CCDC88C: variants seen among roughly 807,000 people sequenced by gnomAD.
CCDC88C encodes coiled-coil and HOOK domain protein 88C, also known as protein Daple.
CCDC88C carries 131 observed loss-of-function variants against 198.8 expected under a neutral mutation model. The observed-to-expected ratio is 0.66, with a 90% CI of 0.57 to 0.76. CCDC88C has a LOEUF of 0.76. Ranked by LOEUF, CCDC88C falls within the 30% of genes least tolerant of loss-of-function variation. The pLI is 0.00. For synonymous variants in CCDC88C, 1,166 were observed against 1,114.7 expected, an observed-to-expected ratio of 1.05 and a Z score of -0.92; for missense variants, 2,553 against 2,631.6, an observed-to-expected ratio of 0.97 and a Z score of 0.65.
At chr14:91,330,810 A>G (rs1892793273) in intron 10 of CCDC88C, among the ~76,000 whole-genome samples, 1 of 152,156 alleles carries the variant, frequency 6.6e-6, no homozygotes, top group Non-Finnish European at 1.5e-5. Context: ...AGCGCAAGAC[A>G]GAGCCTCAGC....
At chr14:91,373,891 T>C (rs1894952311) in intron 3 of CCDC88C, among the ~76,000 whole-genome samples, 1 of 152,204 alleles carries the variant, frequency 6.6e-6, no homozygotes, top group Admixed American at 6.5e-5. Flanking sequence ...CCAGCCACAC[T>C]TGCCTCCAAT....
chr14:91,333,012 G>A (rs1054163285), intron 10 of CCDC88C, among the ~76,000 whole-genome samples: 1 of 152,212 alleles, frequency 6.6e-6, no homozygotes. Context: ...GGTCGGGGGT[G>A]CGGAAAGAAG....
Position 91,371,156 on chromosome 14 carries a change from G to A in CCDC88C, c.271-11445C>T, listed in dbSNP as rs567122257. On this transcript the variant is annotated intron_variant, in intron 3 of 29. Transcript: ENST00000389857. The surrounding 1 kb of genome is among the most constrained non-coding windows in gnomAD (Gnocchi z 4.2). ...CCCTCCTGGCTAAAACGACAGCATC[G>A]GTGCTCCAGTGCTTGGAGTTGATAT... Among the ~76,000 whole-genome samples the A allele has an allele frequency of 3.3e-5, 5 of 152,230 alleles. No individual in the cohort carries two copies. Among genetic ancestry groups the A allele is most frequent in the South Asian group, 2.1e-4 (1 of 4,810 alleles).
intron 14 of CCDC88C, 50 bp downstream of exon 14, chr14:91,315,600 G>A (rs1347876795): frequency 2.3e-5 from 37 of 1,606,270 alleles, no homozygotes; most frequent in Non-Finnish European, 2.7e-5. Context: ...CCGGCTCTCC[G>A]TCTTGCAGGC....
At position 91,300,050 on chromosome 14, in the gene CCDC88C, C is replaced by A. The variant is rs528083091; in HGVS notation, c.3656G>T (p.Arg1219Leu). 6.2e-7 allele frequency: 1 copy of A among 1,607,926 alleles called. No homozygotes were observed. The highest frequency in any genetic ancestry group is 1.1e-5 in the South Asian group (1 of 89,742). The change falls in exon 21 of 30, where the codon CGC (arginine) becomes CTC (leucine). Residue 1219 changes from arginine (R) to leucine (L), a missense_variant. Physicochemically the swap from Arg to Leu is moderately radical, Grantham distance 102. Around this residue, in one of 2 missense-constraint regions of CCDC88C, gnomAD observed 1,293 missense variants for 1,219.6 expected, o/e 1.06. Coordinates refer to ENST00000389857, the MANE Select transcript of CCDC88C (RefSeq NM_001080414.4). ...LGERHGDMLK[R>L]KAELEEREKV... ...CTCCCGCTCCTCCAGCTCCGCCTTG[C>A]GCTTCAGCATGTCACCGTGCCTGTT...
At chr14:91,275,061 TGG>T (rs1322395758) in intron 29 of CCDC88C, among the ~76,000 whole-genome samples, 1 of 152,104 alleles carries the variant, frequency 6.6e-6, no homozygotes, top group Non-Finnish European at 1.5e-5. Flanking sequence ...GTCATTTCCC[TGG>T]GATGGGAAGC....
intron 3 of CCDC88C, among the ~76,000 whole-genome samples, chr14:91,372,796 A>G (rs1468746498): frequency 2.0e-5 from 3 of 152,098 alleles, no homozygotes; most frequent in Non-Finnish European, 4.4e-5. Flanking sequence ...CTCGGCATCA[A>G]GCCCTGCCAG....
intron 2 of CCDC88C, among the ~76,000 whole-genome samples, chr14:91,415,736 C>G (rs1887012972): frequency 6.6e-6 from 1 of 150,680 alleles, no homozygotes; most frequent in South Asian, 2.1e-4. Context: ...AAAAAAAAAG[C>G]AAGGTTCTTG....
intron 10 of CCDC88C, among the ~76,000 whole-genome samples, chr14:91,333,043 A>G (rs2139846602): frequency 6.6e-6 from 1 of 152,208 alleles, no homozygotes; most frequent in East Asian, 1.9e-4. Flanking sequence ...ATCTGCAACC[A>G]TATTCCTCCA....
chr14:91,274,800 T>TG (rs1889884604), intron 29 of CCDC88C, among the ~76,000 whole-genome samples: 1 of 152,190 alleles, frequency 6.6e-6, no homozygotes, highest in South Asian at 2.1e-4. Flanking sequence ...GCAAGGTTGT[T>TG]GAAAGGCTGT....
At chr14:91,291,502 T>C (rs1245242495) in intron 23 of CCDC88C, among the ~76,000 whole-genome samples, 13 of 151,780 alleles carry the variant, frequency 8.6e-5, no homozygotes, top group Non-Finnish European at 1.6e-4. Context: ...GGCAGTGAGG[T>C]TGAAAAAGTC....
At chr14:91,361,371 A>G (rs1894298148) in intron 3 of CCDC88C, among the ~76,000 whole-genome samples, 1 of 152,148 alleles carries the variant, frequency 6.6e-6, no homozygotes, top group African/African-American at 2.4e-5. Context: ...TAATTACACA[A>G]CCCACATGGC....
Position 91,307,186 on chromosome 14 carries a change from T to TC in CCDC88C, c.3046dup (p.Glu1016GlyfsTer31). 1 of 1,613,776 alleles carries TC rather than the reference T, an allele frequency of 6.2e-7. No individual in the cohort carries two copies. The highest frequency in any genetic ancestry group is 8.5e-7 in the Non-Finnish European group (1 of 1,179,860). On this transcript the variant is annotated frameshift_variant, in exon 18 of 30. Coordinates refer to ENST00000389857, the MANE Select transcript of CCDC88C (RefSeq NM_001080414.4). LOFTEE classifies it high-confidence loss of function. ...GAAAGAGTTCTGCAAGTGCTGCCCCTCTCCCTGGTTCTGCCTGAGGGTCTC... is the reference window on the plus strand; with the variant it reads ...GAAAGAGTTCTGCAAGTGCTGCCCCTCCTCCCTGGTTCTGCCTGAGGGTCTC...
intron 23 of CCDC88C, among the ~76,000 whole-genome samples, chr14:91,293,289 TCC>T (rs1401617352): frequency 1.0e-4 from 8 of 77,014 alleles, no homozygotes; most frequent in South Asian, 5.0e-4. Flanking sequence ...GACCTTCCTG[TCC>T]CCTCACCTGC....
intron 2 of CCDC88C, among the ~76,000 whole-genome samples, chr14:91,413,776 G>A (rs764341186): frequency 1.6e-4 from 25 of 152,160 alleles, no homozygotes; most frequent in Non-Finnish European, 3.4e-4. Flanking sequence ...GCAGTCACGT[G>A]ACCCCCAGCC....
intron 3 of CCDC88C, among the ~76,000 whole-genome samples, chr14:91,396,137 C>T (rs1885823859): frequency 6.6e-6 from 1 of 152,200 alleles, no homozygotes; most frequent in South Asian, 2.1e-4. Flanking sequence ...CTCTGCCATT[C>T]CCCAAAGAAG....
chr14:91,388,813 T>C (rs1408160280), intron 3 of CCDC88C, among the ~76,000 whole-genome samples: 2 of 152,148 alleles, frequency 1.3e-5, no homozygotes, highest in Non-Finnish European at 2.9e-5. Context: ...TGGAAAGGAC[T>C]TCCCTGGGTA....
chr14:91,274,907 C>CT (rs1310172936), intron 29 of CCDC88C, among the ~76,000 whole-genome samples: 1 of 152,218 alleles, frequency 6.6e-6, no homozygotes, highest in East Asian at 1.9e-4. Flanking sequence ...TCCAGAGCTG[C>CT]TTTCCACTCC....
rs73336474 is a variant in CCDC88C, at chr14:91,303,943, C to A, written c.3393G>T (p.Ala1131=). The part of the protein sequence containing the change: ...ENSTLSSQSA[A]LTAQYTLLQN... ...GCAGCAGCGTGTACTGCGCGGTGAG[C>A]GCTGCGCTCTGGGAACTCAGCGTGG... The change falls in exon 20 of 30, where the codon GCG becomes GCT. Residue 1131 remains alanine, a synonymous_variant. Coordinates refer to ENST00000389857, the MANE Select transcript of CCDC88C (RefSeq NM_001080414.4). 5,309 of 1,608,956 alleles carry A rather than the reference C, an allele frequency of 3.3e-3. 139 individuals are homozygous for A. The African/African-American group carries it at 0.062, about 19-fold the overall frequency.
Sources: allele counts gnomAD v4.1 joint callset (sites outside exome capture counted in the v4.1 genomes callset), GRCh38; gene constraint gnomAD v4.1.1; regional missense constraint gnomAD v4.1.1; non-coding constraint Gnocchi (gnomAD v3.1); transcripts MANE v1.5; gene names NCBI Gene and HGNC (gene_info 2026-07-23, HGNC 2026-07-21).